Variants in WDR91 observed in about 807,000 individuals in gnomAD.
WDR91 encodes the protein WD repeat domain 91.
WDR91 carries 52 observed loss-of-function variants against 88.4 expected under a neutral mutation model. The observed-to-expected ratio is 0.59, with a 90% CI of 0.47 to 0.74. The LOEUF is 0.74. Among genes scored for constraint, WDR91 ranks in the 30% least tolerant of loss-of-function variants. The pLI, the probability that WDR91 is intolerant of heterozygous loss-of-function variation, is 0.00. For missense variants in WDR91, 824 were observed against 954.5 expected, an observed-to-expected ratio of 0.86 and a Z score of 1.80; for synonymous variants, 362 against 389.5, an observed-to-expected ratio of 0.93 and a Z score of 0.83.
At chr7:135,188,579 G>T (rs761931264) in intron 12 of WDR91, 34 bp from the exon 13 acceptor site, 3 of 1,573,712 alleles carry the variant, frequency 1.9e-6, no homozygotes, top group Non-Finnish European at 2.6e-6. Context: ...TCACATCCTG[G>T]CCAGGGCTCT....
chr7:135,195,173 CCTTA>C (rs1272872963), intron 8 of WDR91, 89 bp from the exon 9 acceptor site: 6 of 1,413,452 alleles, frequency 4.2e-6, no homozygotes, highest in Non-Finnish European at 5.7e-6. Context: ...TTCCTGACTT[CCTTA>C]CTGTTTTAAA....
In WDR91 at chr7:135,206,198, C is replaced by T. The variant is rs1272549231; in HGVS notation, c.595-140G>A. 1.2e-5 allele frequency: 13 copies of T among 1,081,812 alleles called. No individual in the cohort carries two copies. In the South Asian group the frequency reaches 1.9e-4, roughly 15 times the overall value. The allele number at this position is 1,081,812 out of a possible 1,614,324, so 67.0% of individuals were successfully genotyped here. A position where few individuals can be genotyped will look rare whatever the true frequency, so the allele number is the denominator to read the frequency against. ...GCGTCAAGGGGCCCATCTCACTCTGCTCACTGCAGACTGGGAAAAGTGACT... is the reference window on the plus strand; with the variant it reads ...GCGTCAAGGGGCCCATCTCACTCTGTTCACTGCAGACTGGGAAAAGTGACT... On this transcript the variant is annotated intron_variant, in intron 4 of 14. Transcript: ENST00000354475.
chr7:135,190,521 C>A (rs1432702017), intron 11 of WDR91, among the ~76,000 whole-genome samples: 2 of 151,386 alleles, frequency 1.3e-5, no homozygotes, highest in African/African-American at 4.9e-5. Flanking sequence ...GAGCCAGCAC[C>A]CACAGAGACA....
intron 10 of WDR91, 57 bp downstream of exon 10, chr7:135,193,521 C>T (rs1178194573): frequency 1.3e-5 from 21 of 1,611,590 alleles, no homozygotes; most frequent in East Asian, 4.5e-5. Flanking sequence ...GGACCAGCCC[C>T]GCGGACCACA....
chr7:135,196,340 G>C lies in WDR91; in HGVS notation c.1051-3C>G. 6.5e-7 allele frequency: 1 copy of C among 1,531,182 alleles called. No homozygotes were observed. Among genetic ancestry groups the C allele is most frequent in the Non-Finnish European group, 8.8e-7 (1 of 1,137,780 alleles). The allele number at this position is 1,531,182 out of a possible 1,614,324, so 94.8% of individuals were successfully genotyped here. A position where few individuals can be genotyped will look rare whatever the true frequency, so the allele number is the denominator to read the frequency against. ...GCTTCTGGTTTCTTCTCTGCACACT[G>C]TCACAAGCAGGGTGGGGACAAGTCA... On this transcript the variant is annotated splice_region_variant and splice_polypyrimidine_tract_variant and intron_variant, in intron 7 of 14. Coordinates refer to ENST00000354475, the MANE Select transcript of WDR91 (RefSeq NM_014149.4). This position sits in a 1 kb window ranked among gnomAD's most constrained non-coding sequence, Gnocchi z 4.2.
chr7:135,189,617 C>T (rs1436264226), intron 11 of WDR91, among the ~76,000 whole-genome samples, 165 bp from the exon 12 acceptor site: 2 of 152,220 alleles, frequency 1.3e-5, no homozygotes, highest in African/African-American at 4.8e-5. Flanking sequence ...GTGCCAGTGA[C>T]CTTCTGTGCT....
At chr7:135,202,768 C>A (rs555714115) in intron 6 of WDR91, among the ~76,000 whole-genome samples, 4 of 152,300 alleles carry the variant, frequency 2.6e-5, no homozygotes, top group African/African-American at 9.6e-5. Context: ...AGAAAGCAAG[C>A]AGTACAACTT....
In WDR91 at chr7:135,209,775, G is replaced by T; in HGVS notation, c.124-20C>A. Reference sequence around the variant, plus strand: ...ATCCACCTGGCGAGAAACATGGATGGAGAAGGTGGTAAGGGACAGAAGGGA... The same window carrying T: ...ATCCACCTGGCGAGAAACATGGATGTAGAAGGTGGTAAGGGACAGAAGGGA... On this transcript the variant is annotated intron_variant, in intron 1 of 14. Transcript: ENST00000354475. The T allele has an allele frequency of 6.4e-7, 1 of 1,568,540 alleles. No individual in the cohort carries two copies. Among genetic ancestry groups the T allele is most frequent in the Non-Finnish European group, 8.7e-7 (1 of 1,153,642 alleles).
At chr7:135,187,277 CCTCCCCCAGCCA>C in intron 13 of WDR91, 108 bp from the exon 14 acceptor site, 1 of 1,108,568 alleles carries the variant, frequency 9.0e-7, no homozygotes, top group Non-Finnish European at 1.3e-6. Flanking sequence ...GGGCGACCCG[CCTCCCCCAGCCA>C]CAGTGCTGAC....
Position 135,187,137 on chromosome 7 carries a change from G to A in WDR91, c.1914C>T (p.Leu638=), listed in dbSNP as rs1432810694. 2.5e-6 allele frequency: 4 copies of A among 1,614,108 alleles called. No individual in the cohort carries two copies. Among genetic ancestry groups the A allele is most frequent in the South Asian group, 2.2e-5 (2 of 91,094 alleles). Residue 638 remains leucine (L), a synonymous_variant, in exon 14 of 15, where the codon CTC becomes CTT. Transcript: ENST00000354475. ...FIQWNIHKSG[L]KVSEYSLPSD... is the part of the protein sequence containing the mutation. ...AGGGGAGGCTGTACTCGGATACCTT[G>A]AGGCCACTCTTGTGGATGTTCCACT...
chr7:135,202,371 T>G (rs1361096108), intron 6 of WDR91: 4 of 152,356 alleles, frequency 2.6e-5, no homozygotes, highest in East Asian at 3.9e-4. Context: ...GTGACCTGAC[T>G]ATTGGGTTTT....
chr7:135,203,285 G>A (rs1831638313), intron 6 of WDR91, among the ~76,000 whole-genome samples: 1 of 152,208 alleles, frequency 6.6e-6, no homozygotes, highest in African/African-American at 2.4e-5. Context: ...GGTACAGCGA[G>A]CAGCCCCAAA....
Position 135,195,104 on chromosome 7 carries a change from A to G in WDR91, c.1245-20T>C, listed in dbSNP as rs780047245. 3.7e-6 allele frequency: 6 copies of G among 1,606,972 alleles called. No homozygotes were observed. The highest frequency in any genetic ancestry group is 5.1e-6 in the Non-Finnish European group (6 of 1,176,410). On this transcript the variant is annotated intron_variant, in intron 8 of 14. Coordinates refer to ENST00000354475, the MANE Select transcript of WDR91 (RefSeq NM_014149.4). ...TCCACTCTGAGATGAGAGAAAAGGGAGGCCTGTCAGCTGGCCTCTCAGTCC... is the reference window on the plus strand; with the variant it reads ...TCCACTCTGAGATGAGAGAAAAGGGGGGCCTGTCAGCTGGCCTCTCAGTCC...
chr7:135,194,865 C>T (rs906024074), intron 9 of WDR91, 69 bp downstream of exon 9: 24 of 1,581,840 alleles, frequency 1.5e-5, no homozygotes, highest in Middle Eastern at 2.2e-4. Flanking sequence ...TTGACTCAGC[C>T]GGTGGAGAAC....
At chr7:135,208,268 T>C (rs1831879134) in intron 3 of WDR91, among the ~76,000 whole-genome samples, 1 of 152,138 alleles carries the variant, frequency 6.6e-6, no homozygotes, top group Admixed American at 6.5e-5. Flanking sequence ...TCATTCCCCC[T>C]CTCCAATACC....
At chr7:135,199,495 G>A (rs1831493847) in intron 6 of WDR91, 1 of 152,230 alleles carries the variant, frequency 6.6e-6, no homozygotes, top group Non-Finnish European at 1.5e-5. Flanking sequence ...GTGGCCTGTT[G>A]GAGTTGGCTG....
At chr7:135,198,250 G>C in intron 6 of WDR91, 99 bp from the exon 7 acceptor site, 3 of 1,396,056 alleles carry the variant, frequency 2.1e-6, no homozygotes, top group Non-Finnish European at 2.9e-6. Flanking sequence ...GGCGTGGTGG[G>C]TTGGGGGCAG....
intron 1 of WDR91, 42 bp from the exon 2 acceptor site, chr7:135,209,797 G>C (rs1263866952): frequency 6.8e-7 from 1 of 1,465,074 alleles, no homozygotes; most frequent in Non-Finnish European, 9.1e-7. Context: ...AGGGACAGAA[G>C]GGAATTCTCC....
At position 135,193,558 on chromosome 7, in the gene WDR91, G is replaced by A. The variant is rs748905484; in HGVS notation, c.1490+20C>T. On this transcript the variant is annotated intron_variant, in intron 10 of 14. Transcript: ENST00000354475. ...TTGGCAGCCTGCGGCCTTGATGGTG[G>A]GGGGTAGGTTCCAGTTCACCTGGGC... 1 of 1,613,864 alleles carries A rather than the reference G, an allele frequency of 6.2e-7. No homozygotes were observed. The highest frequency in any genetic ancestry group is 8.5e-7 in the Non-Finnish European group (1 of 1,179,892).
Sources: gnomAD v4.1 joint callset for allele counts (sites outside exome capture counted in the v4.1 genomes callset) on GRCh38, gnomAD v4.1.1 for gene constraint, Gnocchi (gnomAD v3.1) non-coding constraint, MANE v1.5 for transcripts, NCBI Gene and HGNC (gene_info 2026-07-23, HGNC 2026-07-21) for gene names.